The following GNAL variants were observed in gnomAD, a reference collection of about 807,000 sequenced individuals.
GNAL encodes G protein subunit alpha L, also known as guanine nucleotide-binding protein G(olf) subunit alpha.
Under a neutral mutation model 55.1 loss-of-function variants are expected in GNAL, and 18 were observed. That is an observed-to-expected ratio of 0.33 (90% CI 0.23 to 0.48). The LOEUF is 0.48. Among genes scored for constraint, GNAL ranks in the 20% least tolerant of loss-of-function variants. The pLI is 0.99. For missense variants in GNAL, 412 were observed against 614.1 expected (o/e 0.67, Z 3.48); for synonymous variants, 253 against 237.0 (o/e 1.07, Z -0.62).
chr18:11,837,749 A>G (rs1452965790), intron 5 of GNAL, among the ~76,000 whole-genome samples: 1 of 152,246 alleles, frequency 6.6e-6, no homozygotes, highest in Non-Finnish European at 1.5e-5. Flanking sequence ...TGGCCCACCA[A>G]TTCCACTCCC....
intron 5 of GNAL, 43 bp downstream of exon 5, chr18:11,825,058 A>G (rs756378203): frequency 3.0e-6 from 3 of 999,436 alleles, no homozygotes; most frequent in East Asian, 2.4e-5. Flanking sequence ...TTTGAAGAAT[A>G]TGATTGCATG....
At chr18:11,820,395 T>G (rs1206233469) in intron 4 of GNAL, among the ~76,000 whole-genome samples, 1 of 152,250 alleles carries the variant, frequency 6.6e-6, no homozygotes, top group African/African-American at 2.4e-5. Flanking sequence ...ATTTAATGAC[T>G]TCGCAGAATC....
chr18:11,860,028 G>A (rs746720691), intron 5 of GNAL, among the ~76,000 whole-genome samples: 3 of 152,120 alleles, frequency 2.0e-5, no homozygotes, highest in Non-Finnish European at 4.4e-5. Flanking sequence ...GATTAAAGGC[G>A]TGCACCACTG....
intron 4 of GNAL, among the ~76,000 whole-genome samples, chr18:11,823,136 T>G (rs1447993015): frequency 2.6e-5 from 4 of 152,186 alleles, no homozygotes; most frequent in Non-Finnish European, 5.9e-5. Flanking sequence ...AATGCAGGAT[T>G]GATCTTTACA....
intron 1 of GNAL, among the ~76,000 whole-genome samples, chr18:11,703,878 C>A (rs2143331312): frequency 6.6e-6 from 1 of 151,948 alleles, no homozygotes; most frequent in Admixed American, 6.6e-5. Context: ...CCCTTGCTGA[C>A]TGGGGACAGA....
chr18:11,695,922 GCACA>G lies in GNAL; in HGVS notation c.376+6010_376+6013del, dbSNP rs10661294. 3.4e-3 allele frequency among the ~76,000 whole-genome samples: 468 copies of G among 136,074 alleles called. 2 individuals are homozygous for G. Among genetic ancestry groups the G allele is most frequent in the Non-Finnish European group, 3.8e-3 (243 of 64,542 alleles). The allele number at this position is 136,074 out of a possible 152,430, so 89.3% of individuals were successfully genotyped here. A position where few individuals can be genotyped will look rare whatever the true frequency, so the allele number is the denominator to read the frequency against. On this transcript the variant is annotated intron_variant, in intron 1 of 11. Coordinates refer to ENST00000334049, the MANE Select transcript of GNAL (RefSeq NM_182978.4). ...CATGCTCAGACATGCATGCACGCAT[GCACA>G]CACACACACACACACACACACACAC...
intron 1 of GNAL, chr18:11,747,325 G>C (rs760685470): frequency 5.2e-6 from 1 of 193,390 alleles, no homozygotes; most frequent in Non-Finnish European, 1.1e-5. Flanking sequence ...GATGGAATAA[G>C]AATGCCTGGT....
intron 1 of GNAL, among the ~76,000 whole-genome samples, chr18:11,708,624 C>A (rs911617064): frequency 2.6e-5 from 4 of 152,174 alleles, no homozygotes; most frequent in Non-Finnish European, 5.9e-5. Context: ...TACCACAGAC[C>A]TGAAATTTAT....
rs1567899833 is a variant in GNAL, at chr18:11,864,613, A to T, written c.851+7A>T. On this transcript the variant is annotated splice_region_variant and intron_variant, in intron 7 of 11. Transcript: ENST00000334049. ...TGGACAAAGTAAACTTCCAGTGAGTATGTTGTTAAGAGCTGCATGGCCCAG... is the reference window on the plus strand; with the variant it reads ...TGGACAAAGTAAACTTCCAGTGAGTTTGTTGTTAAGAGCTGCATGGCCCAG... The T allele has an allele frequency of 6.7e-7, 1 of 1,491,800 alleles. No individual in the cohort carries two copies. The highest frequency in any genetic ancestry group is 1.4e-5 in the African/African-American group (1 of 72,770). 92.4% of individuals were successfully genotyped at this position (1,491,800 alleles called of 1,614,324 possible). A position where few individuals can be genotyped will look rare whatever the true frequency, so the allele number is the denominator to read the frequency against.
chr18:11,745,685 T>C (rs181156189), intron 1 of GNAL: 1 of 157,710 alleles, frequency 6.3e-6, no homozygotes, highest in East Asian at 1.9e-4. Context: ...ACGCATTTCG[T>C]TTTGAGAATG....
chr18:11,706,840 A>G (rs922857915), intron 1 of GNAL, among the ~76,000 whole-genome samples: 2 of 152,194 alleles, frequency 1.3e-5, no homozygotes, highest in East Asian at 1.9e-4. Flanking sequence ...TGCTATTTCT[A>G]CCACATCTCC....
At chr18:11,880,928 G>C in intron 11 of GNAL, 61 bp from the exon 12 acceptor site, 1 of 1,565,104 alleles carries the variant, frequency 6.4e-7, no homozygotes, top group Non-Finnish European at 8.7e-7. Flanking sequence ...GCGTGGCCTA[G>C]TCCTTCCCCA....
intron 9 of GNAL, among the ~76,000 whole-genome samples, chr18:11,869,890 CAG>C (rs2036355285): frequency 6.6e-6 from 1 of 152,058 alleles, no homozygotes; most frequent in African/African-American, 2.4e-5. Context: ...GTCTGGGCGA[CAG>C]AGGGAGACTG....
In GNAL at chr18:11,883,068, TAGTCTTTAATATTTTAA is replaced by T. The variant is rs1361893369; in HGVS notation, c.*1937_*1953del. On this transcript the variant is annotated 3_prime_UTR_variant, in exon 12 of 12. Transcript: ENST00000334049. ...TCATTATTACTCTTCTTTTAGTCTT[TAGTCTTTAATATTTTAA>T]AGTTTACTCTATAAATCAGCATTTT... 1 of 152,234 alleles carries T rather than the reference TAGTCTTTAATATTTTAA, an allele frequency of 6.6e-6. No homozygotes were observed. Among genetic ancestry groups the T allele is most frequent in the Non-Finnish European group, 1.5e-5 (1 of 68,048 alleles). 9.4% of individuals were successfully genotyped at this position (152,234 alleles called of 1,614,324 possible). A position where few individuals can be genotyped will look rare whatever the true frequency, so the allele number is the denominator to read the frequency against.
intron 1 of GNAL, among the ~76,000 whole-genome samples, chr18:11,728,731 T>C (rs537184338): frequency 6.6e-6 from 1 of 152,358 alleles, no homozygotes; most frequent in South Asian, 2.1e-4. Context: ...CTTACAGTGA[T>C]GATACAGACA....
At chr18:11,749,346 A>G (rs1022891801) in intron 1 of GNAL, among the ~76,000 whole-genome samples, 16 of 152,284 alleles carry the variant, frequency 1.1e-4, no homozygotes, top group Admixed American at 2.0e-4. Context: ...CCTGTCTAGA[A>G]AAGTAATTCA....
At chr18:11,852,858 TACTA>T (rs2035913421) in intron 5 of GNAL, 1 of 167,070 alleles carries the variant, frequency 6.0e-6, no homozygotes, top group South Asian at 2.1e-4. Context: ...ATTTTCTACT[TACTA>T]AATTGAGTTT....
intron 4 of GNAL, among the ~76,000 whole-genome samples, chr18:11,807,762 G>A (rs2034703642): frequency 6.6e-6 from 1 of 152,140 alleles, no homozygotes; most frequent in Non-Finnish European, 1.5e-5. Context: ...TACATAGAGA[G>A]GGGGGCCCAG....
intron 4 of GNAL, among the ~76,000 whole-genome samples, chr18:11,792,537 A>G (rs569114786): frequency 5.3e-4 from 80 of 152,318 alleles, no homozygotes; most frequent in African/African-American, 1.0e-3. Flanking sequence ...TAGTCTCCCT[A>G]CTGAAGTGTT....
Sources: allele counts gnomAD v4.1 joint callset (sites outside exome capture counted in the v4.1 genomes callset), GRCh38; gene constraint gnomAD v4.1.1; transcripts MANE v1.5; gene names NCBI Gene and HGNC (gene_info 2026-07-23, HGNC 2026-07-21).